HSF1: variants seen among roughly 807,000 people sequenced by gnomAD.
HSF1 encodes heat shock transcription factor 1, also known as heat shock factor protein 1.
HSF1 carries 32 observed loss-of-function variants against 51.7 expected under a neutral mutation model. That is an observed-to-expected ratio of 0.62 (90% confidence interval 0.47 to 0.83). The LOEUF is 0.83. HSF1 is among the 40% of genes least tolerant of loss of function. The probability of loss-of-function intolerance (pLI) is 0.00; values close to 1 mark genes in which losing one functional copy is unlikely to be tolerated. For synonymous variants in HSF1, 396 were observed against 309.7 expected (o/e 1.28, Z -2.92); for missense variants, 727 against 717.0 (o/e 1.01, Z -0.16).
chr8:144,304,962 T>TTA (rs1816116064), intron 1 of HSF1, among the ~76,000 whole-genome samples: 1 of 151,172 alleles, frequency 6.6e-6, no homozygotes, highest in African/African-American at 2.4e-5. Context: ...TTTTTTTTTT[T>TTA]ATTGAGACAG....
chr8:144,295,223 A>G (rs551813509), intron 1 of HSF1, among the ~76,000 whole-genome samples: 4 of 152,332 alleles, frequency 2.6e-5, no homozygotes, highest in Admixed American at 6.5e-5. Context: ...CTCTTCAGAG[A>G]ATTTGACAGC....
At chr8:144,311,138 G>C in intron 4 of HSF1, 36 bp from the exon 5 acceptor site, 1 of 1,560,780 alleles carries the variant, frequency 6.4e-7, no homozygotes, top group Non-Finnish European at 8.7e-7. Flanking sequence ...GGGCTCATGG[G>C]ATTGGGCCCC....
rs549949407 is a variant in HSF1, at chr8:144,311,904, G to A, written c.861-59G>A. 64 of 1,582,796 alleles carry A rather than the reference G, an allele frequency of 4.0e-5. No homozygotes were observed. The South Asian group carries it at 6.7e-4, about 16-fold the overall frequency. On this transcript the variant is annotated intron_variant, in intron 8 of 12. Transcript: ENST00000528838. ...CGAGCCCCTGTGGGCCCAGGGCAGAGTTGGGGATGAGGTGGGGCTGGCCGA... is the reference window on the plus strand; with the variant it reads ...CGAGCCCCTGTGGGCCCAGGGCAGAATTGGGGATGAGGTGGGGCTGGCCGA...
In HSF1 at chr8:144,313,969, C is replaced by G; in HGVS notation, c.1315-16C>G. On this transcript the variant is annotated splice_polypyrimidine_tract_variant and intron_variant, in intron 11 of 12. Coordinates refer to ENST00000528838, the MANE Select transcript of HSF1 (RefSeq NM_005526.4). ...AGACCAGCGGGAGTGCTCACAATAC[C>G]GTCTCCACCCCACAGATCCAAGAGC... 6.2e-7 allele frequency: 1 copy of G among 1,610,858 alleles called. No individual in the cohort carries two copies. The highest frequency in any genetic ancestry group is 1.1e-5 in the South Asian group (1 of 90,946).
intron 1 of HSF1, among the ~76,000 whole-genome samples, chr8:144,304,885 C>T (rs374857152): frequency 6.7e-6 from 1 of 149,102 alleles, no homozygotes; most frequent in East Asian, 1.9e-4. Context: ...ACGATCCACA[C>T]ACCTCAGCCT....
chr8:144,296,015 T>G (rs1354909899), intron 1 of HSF1, among the ~76,000 whole-genome samples: 2 of 152,110 alleles, frequency 1.3e-5, no homozygotes, highest in Non-Finnish European at 2.9e-5. Flanking sequence ...GCTGAAACCC[T>G]GGGGCTCCCT....
chr8:144,312,712 G>T, intron 9 of HSF1: 2 of 1,535,290 alleles, frequency 1.3e-6, no homozygotes, highest in South Asian at 1.2e-5. Context: ...TCCAGCCAGG[G>T]TTAGCGCTGA....
At chr8:144,313,363 C>T in intron 9 of HSF1, 148 bp from the exon 10 acceptor site, 1 of 600,346 alleles carries the variant, frequency 1.7e-6, no homozygotes, top group Non-Finnish European at 3.0e-6. Flanking sequence ...CCAGGCCGTC[C>T]TCGAATGCGC....
chr8:144,300,567 C>T (rs1053424048), intron 1 of HSF1, among the ~76,000 whole-genome samples: 1 of 152,162 alleles, frequency 6.6e-6, no homozygotes, highest in South Asian at 2.1e-4. Flanking sequence ...TGATCTTCCT[C>T]CCAAAAACAT....
intron 1 of HSF1, among the ~76,000 whole-genome samples, chr8:144,295,365 C>T (rs1815383983): frequency 6.6e-6 from 1 of 152,240 alleles, no homozygotes; most frequent in East Asian, 1.9e-4. Context: ...ATCTCGACAT[C>T]TGAGATGGTG....
rs535061459 is a variant in HSF1, at chr8:144,314,478, C to G, written c.*148C>G. The G allele has an allele frequency of 8.9e-6, 6 of 672,386 alleles. No individual in the cohort carries two copies. In the South Asian group the frequency reaches 1.1e-4, roughly 13 times the overall value. 41.7% of individuals were successfully genotyped at this position (672,386 alleles called of 1,614,324 possible). On this transcript the variant is annotated 3_prime_UTR_variant, in exon 13 of 13. Coordinates refer to ENST00000528838, the MANE Select transcript of HSF1 (RefSeq NM_005526.4). ...CAAACGGGCTCGGGTCTGGGCAGCA[C>G]CTCTGGTCAGGAGGGTCACCCTGGC...
chr8:144,311,816 C>T lies in HSF1; in HGVS notation c.840C>T (p.Pro280=), dbSNP rs782611046. 3.2e-5 allele frequency: 52 copies of T among 1,610,324 alleles called. No individual in the cohort carries two copies. The highest frequency in any genetic ancestry group is 5.3e-5 in the African/African-American group (4 of 74,992). The change falls in exon 8 of 13, where the codon CCC becomes CCT. Residue 280 remains proline (P), a synonymous_variant. Transcript: ENST00000528838. The stretch of plus-strand genomic sequence containing the variant: ...CTCCTGCCAGCCCCATGGCCTCCCC[C>T]GGCGGGAGCATAGACGAGAGGTGGG... ...ELAPASPMAS[P]GGSIDERPLS...
intron 1 of HSF1, among the ~76,000 whole-genome samples, chr8:144,302,261 C>G (rs912760886): frequency 6.6e-6 from 1 of 151,848 alleles, no homozygotes; most frequent in Admixed American, 6.6e-5. Context: ...GTAATCCCAG[C>G]ACTTTGGGAG....
At chr8:144,314,085 C>A in intron 12 of HSF1, 31 bp downstream of exon 12, 1 of 1,058,932 alleles carries the variant, frequency 9.4e-7, no homozygotes, top group Non-Finnish European at 1.3e-6. Context: ...CCCACCTCTG[C>A]CCCCAACCCC....
chr8:144,313,059 T>G lies in HSF1; in HGVS notation c.1143-452T>G, dbSNP rs1191076608. The G allele has an allele frequency of 2.0e-5, 9 of 444,016 alleles. 1 individual carries two copies. In the East Asian group the frequency reaches 3.0e-4, roughly 15 times the overall value. The allele number at this position is 444,016 out of a possible 1,614,324, so 27.5% of individuals were successfully genotyped here. ...TCCGTCCCATAGCCCAGGTGTGCCC[T>G]GTGGCCTAGGGCTTTCTTGGTCACA... On this transcript the variant is annotated intron_variant, in intron 9 of 12. Transcript: ENST00000528838.
chr8:144,311,487 C>G lies in HSF1; in HGVS notation c.627-18C>G, dbSNP rs1816655589. 2 of 1,613,110 alleles carry G rather than the reference C, an allele frequency of 1.2e-6. No individual in the cohort carries two copies. Among genetic ancestry groups the G allele is most frequent in the East Asian group, 2.2e-5 (1 of 44,890 alleles). On this transcript the variant is annotated intron_variant, in intron 6 of 12. Transcript: ENST00000528838. ...CCCGAGGTGGGGGGTGGTGGCTGAC[C>G]TGCACCCTTCCCCACAGCCCCCTGA...
At chr8:144,299,536 G>T (rs1454292928) in intron 1 of HSF1, among the ~76,000 whole-genome samples, 1 of 152,032 alleles carries the variant, frequency 6.6e-6, no homozygotes, top group Non-Finnish European at 1.5e-5. Context: ...CCAGTAGCAG[G>T]CCCAGTTTTG....
chr8:144,306,510 G>C (rs1816240515), intron 1 of HSF1, among the ~76,000 whole-genome samples: 1 of 152,086 alleles, frequency 6.6e-6, no homozygotes, highest in Non-Finnish European at 1.5e-5. Context: ...TGATAGGTGT[G>C]CGCCACCACG....
chr8:144,312,566 G>A (rs1816753154), intron 9 of HSF1: 1 of 1,391,172 alleles, frequency 7.2e-7, no homozygotes, highest in African/African-American at 1.4e-5. Context: ...TGGTGAGCAG[G>A]GCCGGCCTCC....
Sources: allele counts gnomAD v4.1 joint callset (sites outside exome capture counted in the v4.1 genomes callset), GRCh38; gene constraint gnomAD v4.1.1; transcripts MANE v1.5; gene names NCBI Gene and HGNC (gene_info 2026-07-23, HGNC 2026-07-21).